The following NCR2 variants were observed in gnomAD, a reference collection of about 807,000 sequenced individuals.
NCR2 encodes the protein natural cytotoxicity triggering receptor 2.
A neutral mutation model predicts 30.7 loss-of-function variants in NCR2; 35 were observed. The ratio of observed to expected loss-of-function variants is 1.14; its 90% CI spans 0.87 to 1.51. NCR2 has a LOEUF of 1.51. NCR2 is among the 40% of genes most tolerant of loss of function. The pLI, the probability that NCR2 is intolerant of heterozygous loss-of-function variation, is 0.00. For missense variants in NCR2, 316 were observed against 328.9 expected, an observed-to-expected ratio of 0.96 and a Z score of 0.30; for synonymous variants, 146 against 134.8, an observed-to-expected ratio of 1.08 and a Z score of -0.58.
At chr6:41,349,277 G>A (rs1180697080) in intron 4 of NCR2, among the ~76,000 whole-genome samples, 2 of 151,302 alleles carry the variant, frequency 1.3e-5, no homozygotes, top group Non-Finnish European at 2.9e-5. Flanking sequence ...TTATAAATGG[G>A]AGTGCTAAGA....
chr6:41,350,593 G>A lies in NCR2; in HGVS notation c.645-85G>A, dbSNP rs1020542704. The A allele has an allele frequency of 2.0e-5, 24 of 1,198,406 alleles. No homozygotes were observed. The African/African-American group carries it at 3.5e-4, about 17-fold the overall frequency. 74.2% of individuals were successfully genotyped at this position (1,198,406 alleles called of 1,614,324 possible). On this transcript the variant is annotated intron_variant, in intron 4 of 4. Transcript: ENST00000373089. ...ATGGCAACCAACCCTGCGAGTAGTG[G>A]GATGGGGAAGGGGTTGCCTCTGCAC...
chr6:41,336,055 C>T (rs757523231), intron 1 of NCR2, 32 bp from the exon 2 acceptor site: 6 of 1,602,970 alleles, frequency 3.7e-6, no homozygotes, highest in South Asian at 3.4e-5. Context: ...TGCGCGTGGC[C>T]TTGACCTATG....
At chr6:41,349,194 TATC>T (rs902986597) in intron 4 of NCR2, among the ~76,000 whole-genome samples, 53 of 147,926 alleles carry the variant, frequency 3.6e-4, no homozygotes, top group Admixed American at 2.1e-3. Context: ...ATGCATATAT[TATC>T]ATGTATATAA....
chr6:41,342,016 C>G lies in NCR2; in HGVS notation c.531-20C>G. The G allele has an allele frequency of 6.2e-7, 1 of 1,613,916 alleles. No homozygotes were observed. The highest frequency in any genetic ancestry group is 2.2e-5 in the East Asian group (1 of 44,860). The stretch of plus-strand genomic sequence containing the variant: ...CCTCCCCAGCCCGTCCTCTCCCCTT[C>G]CTGTCCCTCTGCCTTCCAGGCCACA... On this transcript the variant is annotated intron_variant, in intron 3 of 4. Transcript: ENST00000373089.
chr6:41,338,499 T>G (rs1769087264), intron 2 of NCR2, among the ~76,000 whole-genome samples: 1 of 152,192 alleles, frequency 6.6e-6, no homozygotes, highest in Non-Finnish European at 1.5e-5. Flanking sequence ...TCATTGCAAC[T>G]GCAGCCATCA....
At position 41,335,658 on chromosome 6, in the gene NCR2, C is replaced by G; in HGVS notation, c.-219C>G. On this transcript the variant is annotated 5_prime_UTR_variant, in exon 1 of 5. Coordinates refer to ENST00000373089, the MANE Select transcript of NCR2 (RefSeq NM_004828.4). ...AGCTGTGTGCCAGACAGCGCCGAGC[C>G]CACCAGACCCAGACTCACCTACAGC... The G allele has an allele frequency of 1.7e-6, 1 of 586,902 alleles. No homozygotes were observed. The highest frequency in any genetic ancestry group is 2.0e-5 in the South Asian group (1 of 51,234). The allele number at this position is 586,902 out of a possible 1,614,324, so 36.4% of individuals were successfully genotyped here.
chr6:41,343,065 T>C (rs1451441565), intron 4 of NCR2: 4 of 1,493,780 alleles, frequency 2.7e-6, no homozygotes, highest in Admixed American at 4.0e-5. Context: ...TCCCAGCAGC[T>C]CCTCCCTGAC....
Position 41,350,756 on chromosome 6 carries a change from C to T in NCR2, c.723C>T (p.Val241=), listed in dbSNP as rs2114071689. ...AAGCCACCTGCCACCTTCAACAGGT[C>T]ACGGACCTTCCCTGGACCTCAGTTT... ...TQKATCHLQQ[V]TDLPWTSVSS... is the part of the protein sequence containing the mutation. Residue 241 remains valine, a synonymous_variant, in exon 5 of 5, where the codon GTC becomes GTT. Coordinates refer to ENST00000373089, the MANE Select transcript of NCR2 (RefSeq NM_004828.4). 2 of 1,608,948 alleles carry T rather than the reference C, an allele frequency of 1.2e-6. 1 individual carries two copies. The highest frequency in any genetic ancestry group is 2.2e-5 in the South Asian group (2 of 90,958).
chr6:41,342,927 G>T, intron 4 of NCR2: 5 of 1,550,524 alleles, frequency 3.2e-6, no homozygotes, highest in Non-Finnish European at 4.4e-6. Flanking sequence ...GGGTTTTAAG[G>T]AATCGGCACA....
chr6:41,336,353 T>C lies in NCR2; in HGVS notation c.319T>C (p.Tyr107His). 6.2e-7 allele frequency: 1 copy of C among 1,614,044 alleles called. No homozygotes were observed. Among genetic ancestry groups the C allele is most frequent in the Non-Finnish European group, 8.5e-7 (1 of 1,180,028 alleles). Residue 107 changes from tyrosine (Y) to histidine (H), a missense_variant, in exon 2 of 5, where the codon TAC (tyrosine) becomes CAC (histidine). Physicochemically the swap from Tyr to His is moderately conservative, Grantham distance 83. Coordinates refer to ENST00000373089, the MANE Select transcript of NCR2 (RefSeq NM_004828.4). Reference protein sequence around the residue: ...TDLREEDSGHYWCRIYRPSDN... With the variant: ...TDLREEDSGHHWCRIYRPSDN... ...TCTGAGAGAGGAAGACTCAGGACAT[T>C]ACTGGTGTAGAATCTACCGCCCTTC...
At chr6:41,349,664 C>T (rs1225833873) in intron 4 of NCR2, among the ~76,000 whole-genome samples, 3 of 152,100 alleles carry the variant, frequency 2.0e-5, no homozygotes, top group Non-Finnish European at 4.4e-5. Context: ...TATGGTGCAC[C>T]CCAGCTCCAC....
At chr6:41,341,743 C>A in intron 2 of NCR2, 51 bp from the exon 3 acceptor site, 1 of 1,561,836 alleles carries the variant, frequency 6.4e-7, no homozygotes, top group Admixed American at 1.8e-5. Flanking sequence ...TGCCGGCAGG[C>A]ACAAGTGAGG....
At chr6:41,341,722 T>C in intron 2 of NCR2, 72 bp from the exon 3 acceptor site, 1 of 1,529,708 alleles carries the variant, frequency 6.5e-7, no homozygotes, top group South Asian at 1.2e-5. Context: ...AACTCCCCCA[T>C]CCAGCTCTCC....
Sources: allele counts gnomAD v4.1 joint callset (sites outside exome capture counted in the v4.1 genomes callset), GRCh38; gene constraint gnomAD v4.1.1; transcripts MANE v1.5; gene names NCBI Gene and HGNC (gene_info 2026-07-23, HGNC 2026-07-21).